Variants in PPP2CA observed in about 807,000 individuals in gnomAD.
PPP2CA encodes the protein serine/threonine-protein phosphatase 2A catalytic subunit alpha isoform.
Under a neutral mutation model 38.8 loss-of-function variants are expected in PPP2CA, and 5 were observed. That is an observed-to-expected ratio of 0.13 (90% confidence interval 0.07 to 0.27). The LOEUF is 0.27. Among genes scored for constraint, PPP2CA ranks in the 10% least tolerant of loss-of-function variants. PPP2CA has a pLI of 1.00. For synonymous variants in PPP2CA, 152 were observed against 134.0 expected, an observed-to-expected ratio of 1.13 and a Z score of -0.93; for missense variants, 88 against 389.7, an observed-to-expected ratio of 0.23 and a Z score of 6.52.
intron 1 of PPP2CA, among the ~76,000 whole-genome samples, chr5:134,220,849 G>C (rs1437015979): frequency 6.6e-6 from 1 of 152,178 alleles, no homozygotes; most frequent in African/African-American, 2.4e-5. Flanking sequence ...TACTCCTGAA[G>C]GGTCCTTCAT....
chr5:134,194,504 C>T lies in PPP2CA; in HGVS notation c.*3268G>A, dbSNP rs1017190173. 1.3e-5 allele frequency: 2 copies of T among 152,276 alleles called. No individual in the cohort carries two copies. Among genetic ancestry groups the T allele is most frequent in the African/African-American group, 2.4e-5 (1 of 41,456 alleles). The allele number at this position is 152,276 out of a possible 1,614,324, so 9.4% of individuals were successfully genotyped here. A position where few individuals can be genotyped will look rare whatever the true frequency, so the allele number is the denominator to read the frequency against. On this transcript the variant is annotated 3_prime_UTR_variant, in exon 7 of 7. Transcript: ENST00000481195. ...TTTATACTAAACAGGTAAAAGTCAC[C>T]ACTGAAACAGAGAGTCGCACGGTAC... is the stretch of plus-strand genomic sequence containing the variant.
chr5:134,207,903 T>C (rs1264554715), intron 1 of PPP2CA, among the ~76,000 whole-genome samples: 1 of 152,202 alleles, frequency 6.6e-6, no homozygotes, highest in Non-Finnish European at 1.5e-5. Flanking sequence ...TACTTCATTC[T>C]GAAATTTTTC....
chr5:134,206,624 G>C (rs1255235347), intron 1 of PPP2CA, among the ~76,000 whole-genome samples: 1 of 152,066 alleles, frequency 6.6e-6, no homozygotes, highest in Non-Finnish European at 1.5e-5. Context: ...CAGTAGTGGG[G>C]ACCACAGGCA....
rs1226816059 is a variant in PPP2CA at position 134,197,514 on chromosome 5, A to G, written c.*258T>C. ...TCTCAGAGAAAGCAAAAGTAACTAC[A>G]AATAGCGCTATGCCAGAAACTGGTT... On this transcript the variant is annotated 3_prime_UTR_variant, in exon 7 of 7. Coordinates refer to ENST00000481195, the MANE Select transcript of PPP2CA (RefSeq NM_002715.4). The G allele has an allele frequency of 2.1e-6, 1 of 473,950 alleles. No individual in the cohort carries two copies. Among genetic ancestry groups the G allele is most frequent in the African/African-American group, 1.9e-5 (1 of 52,160 alleles). The allele number at this position is 473,950 out of a possible 1,614,324, so 29.4% of individuals were successfully genotyped here. A position where few individuals can be genotyped will look rare whatever the true frequency, so the allele number is the denominator to read the frequency against.
intron 1 of PPP2CA, among the ~76,000 whole-genome samples, chr5:134,216,497 G>A (rs148388650): frequency 4.0e-4 from 54 of 134,222 alleles, no homozygotes; most frequent in African/African-American, 1.5e-3. Context: ...CTGAGATTGT[G>A]CCACTGCATT....
At chr5:134,222,040 C>G (rs1259959161) in intron 1 of PPP2CA, among the ~76,000 whole-genome samples, 2 of 151,582 alleles carry the variant, frequency 1.3e-5, no homozygotes, top group East Asian at 3.9e-4. Flanking sequence ...CCCAATTTAC[C>G]TACATCTTTC....
intron 5 of PPP2CA, chr5:134,199,421 GT>G (rs573145027): frequency 4.2e-3 from 1,027 of 246,906 alleles, no homozygotes; most frequent in Middle Eastern, 0.014. Context: ...TACAAAACTT[GT>G]TTTTTTTTTA....
At chr5:134,218,887 G>T (rs1762380303) in intron 1 of PPP2CA, among the ~76,000 whole-genome samples, 1 of 151,906 alleles carries the variant, frequency 6.6e-6, no homozygotes, top group South Asian at 2.1e-4. Context: ...GCCAGGATGG[G>T]CTCCATCTCC....
chr5:134,197,874 G>A (rs1348257118), intron 6 of PPP2CA, 30 bp from the exon 7 acceptor site: 4 of 1,586,924 alleles, frequency 2.5e-6, no homozygotes, highest in African/African-American at 1.3e-5. Context: ...CATGGTTTAT[G>A]TTCCACGACC....
intron 2 of PPP2CA, among the ~76,000 whole-genome samples, chr5:134,204,937 A>AT (rs5871527): frequency 0.72 from 99,816 of 138,674 alleles, 36,339 homozygotes; most frequent in Non-Finnish European, 0.78. Flanking sequence ...CTTCCTCGAT[A>AT]TTTTTTTTTT....
rs1020738869 is a variant in PPP2CA, at chr5:134,196,391, C to G, written c.*1381G>C. The G allele has an allele frequency of 6.6e-6, 1 of 152,076 alleles. No individual in the cohort carries two copies. The highest frequency in any genetic ancestry group is 1.5e-5 in the Non-Finnish European group (1 of 68,012). 9.4% of individuals were successfully genotyped at this position (152,076 alleles called of 1,614,324 possible). On this transcript the variant is annotated 3_prime_UTR_variant, in exon 7 of 7. Coordinates refer to ENST00000481195, the MANE Select transcript of PPP2CA (RefSeq NM_002715.4). ...TTTTTTTTAAACATCTAATCCTATT[C>G]GAAGGATAAAAGGGGAAAAACTCAT... is the stretch of plus-strand genomic sequence containing the variant.
intron 2 of PPP2CA, among the ~76,000 whole-genome samples, chr5:134,204,937 A>T (rs370875110): frequency 2.2e-4 from 31 of 138,734 alleles, no homozygotes; most frequent in South Asian, 2.0e-3. Context: ...CTTCCTCGAT[A>T]TTTTTTTTTT....
At chr5:134,217,585 T>C (rs747234027) in intron 1 of PPP2CA, among the ~76,000 whole-genome samples, 8 of 152,232 alleles carry the variant, frequency 5.3e-5, no homozygotes, top group Non-Finnish European at 8.8e-5. Context: ...AGATGTACGG[T>C]TGGTTTGATA....
At chr5:134,218,442 C>T (rs1434799453) in intron 1 of PPP2CA, among the ~76,000 whole-genome samples, 5 of 152,186 alleles carry the variant, frequency 3.3e-5, no homozygotes, top group Non-Finnish European at 7.3e-5. Flanking sequence ...ATAGACTAAA[C>T]TCAACCTTTA....
chr5:134,218,836 A>T (rs1156581523), intron 1 of PPP2CA, among the ~76,000 whole-genome samples: 1 of 151,670 alleles, frequency 6.6e-6, no homozygotes, highest in African/African-American at 2.4e-5. Flanking sequence ...GCCTGGCTAA[A>T]TTTTTTGTAT....
intron 1 of PPP2CA, among the ~76,000 whole-genome samples, chr5:134,217,559 T>C (rs977544981): frequency 1.3e-5 from 2 of 152,230 alleles, no homozygotes; most frequent in South Asian, 2.1e-4. Flanking sequence ...TTTTGTCTCA[T>C]ACTGTTTTTA....
chr5:134,215,686 G>T (rs961471511), intron 1 of PPP2CA, among the ~76,000 whole-genome samples: 2 of 152,172 alleles, frequency 1.3e-5, no homozygotes, highest in African/African-American at 4.8e-5. Context: ...ATATCCTCCT[G>T]CCCTGGCCTC....
At chr5:134,198,968 C>T (rs1203871760) in intron 6 of PPP2CA, 118 bp downstream of exon 6, 1 of 761,444 alleles carries the variant, frequency 1.3e-6, no homozygotes, top group East Asian at 2.6e-5. Flanking sequence ...AGGATCACTT[C>T]AGCCTAGGAG....
In PPP2CA at chr5:134,195,984, T is replaced by G. The variant is rs1761841167; in HGVS notation, c.*1788A>C. 6.6e-6 allele frequency: 1 copy of G among 152,218 alleles called. No individual in the cohort carries two copies. Among genetic ancestry groups the G allele is most frequent in the Non-Finnish European group, 1.5e-5 (1 of 68,046 alleles). 9.4% of individuals were successfully genotyped at this position (152,218 alleles called of 1,614,324 possible). A position where few individuals can be genotyped will look rare whatever the true frequency, so the allele number is the denominator to read the frequency against. On this transcript the variant is annotated 3_prime_UTR_variant, in exon 7 of 7. Coordinates refer to ENST00000481195, the MANE Select transcript of PPP2CA (RefSeq NM_002715.4). Reference sequence around the variant, plus strand: ...TAGATTGTTTGGGTATTAAAACCACTGCACATGGATAAGCTATTTGTTCAG... The same window carrying G: ...TAGATTGTTTGGGTATTAAAACCACGGCACATGGATAAGCTATTTGTTCAG...
Sources: gnomAD v4.1 joint callset for allele counts (sites outside exome capture counted in the v4.1 genomes callset) on GRCh38, gnomAD v4.1.1 for gene constraint, MANE v1.5 for transcripts, NCBI Gene and HGNC (gene_info 2026-07-23, HGNC 2026-07-21) for gene names.